TMIGD3: variants seen among roughly 807,000 people sequenced by gnomAD.
The protein encoded by TMIGD3 is transmembrane and immunoglobulin domain containing 3.
Under a neutral mutation model 28.1 loss-of-function variants are expected in TMIGD3, and 21 were observed. The observed-to-expected ratio is 0.75, with a 90% CI of 0.53 to 1.08. The LOEUF is 1.08. Among genes scored for constraint, TMIGD3 ranks in the 50% least tolerant of loss-of-function variants. TMIGD3 has a pLI of 0.00. For missense variants in TMIGD3, 416 were observed against 435.6 expected, an observed-to-expected ratio of 0.96 and a Z score of 0.40; for synonymous variants, 151 against 162.1, an observed-to-expected ratio of 0.93 and a Z score of 0.52.
At chr1:111,555,025 T>C (rs553660596) in intron 1 of TMIGD3, among the ~76,000 whole-genome samples, 2 of 151,210 alleles carry the variant, frequency 1.3e-5, no homozygotes, top group South Asian at 2.1e-4. Flanking sequence ...CATTTAAAAG[T>C]AAGAGAACTA....
At chr1:111,504,862 C>G, upstream of TMIGD3, 1 of 985,296 alleles carries the variant, frequency 1.0e-6, no homozygotes, top group Non-Finnish European at 1.2e-6. Context: ...TACCAAATCC[C>G]ATACTTGTCC....
upstream of TMIGD3, chr1:111,504,894 CCT>C: frequency 2.0e-6 from 2 of 985,282 alleles, no homozygotes; most frequent in Non-Finnish European, 2.4e-6. Flanking sequence ...GTCATTTCTC[CCT>C]GAGCAGACTC....
intron 3 of TMIGD3, among the ~76,000 whole-genome samples, chr1:111,487,872 C>T (rs944677784): frequency 8.5e-5 from 13 of 152,118 alleles, no homozygotes; most frequent in African/African-American, 2.4e-4. Context: ...GGTGCAATCA[C>T]GGCTCACTGC....
chr1:111,557,185 T>C (rs183082952), intron 1 of TMIGD3, among the ~76,000 whole-genome samples: 1 of 152,300 alleles, frequency 6.6e-6, no homozygotes, highest in African/African-American at 2.4e-5. Context: ...GGAAGGCAGA[T>C]GGAAAAGCAT....
chr1:111,528,242 T>C (rs1656337078), intron 1 of TMIGD3, among the ~76,000 whole-genome samples: 1 of 152,204 alleles, frequency 6.6e-6, no homozygotes, highest in African/African-American at 2.4e-5. Context: ...CATTTGCTCA[T>C]CATCACTGGT....
intron 1 of TMIGD3, among the ~76,000 whole-genome samples, chr1:111,531,798 T>C (rs541183737): frequency 1.9e-3 from 291 of 152,322 alleles, no homozygotes; most frequent in African/African-American, 6.8e-3. Context: ...GCGATCCTAC[T>C]GCTTCTGCCT....
At chr1:111,534,150 T>C (rs1480752343) in intron 1 of TMIGD3, among the ~76,000 whole-genome samples, 1 of 152,214 alleles carries the variant, frequency 6.6e-6, no homozygotes, top group Admixed American at 6.5e-5. Context: ...GTTATACAAA[T>C]GGAATCGTGC....
At chr1:111,527,698 C>A (rs1373825634) in intron 1 of TMIGD3, among the ~76,000 whole-genome samples, 1 of 152,140 alleles carries the variant, frequency 6.6e-6, no homozygotes, top group Non-Finnish European at 1.5e-5. Context: ...TTTGGCCATT[C>A]TAATAGTTGT....
In TMIGD3 at chr1:111,542,308, C is replaced by T. The variant is rs75054485; in HGVS notation, c.107+21538G>A. 4.0e-3 allele frequency: 2,061 copies of T among 515,580 alleles called. 36 individuals carry two copies. The highest frequency in any genetic ancestry group is 0.036 in the African/African-American group (1,877 of 51,572). The allele number at this position is 515,580 out of a possible 1,614,324, so 31.9% of individuals were successfully genotyped here. On this transcript the variant is annotated intron_variant, in intron 1 of 5. Coordinates refer to the TMIGD3 transcript ENST00000369717. ...CCGGTTCGAACACACGCGACAAGAG[C>T]AAAGAAGTTAAAAGAGAAGTGTCTG...
intron 1 of TMIGD3, among the ~76,000 whole-genome samples, chr1:111,502,247 T>A (rs62648284): frequency 1.5e-3 from 27 of 18,362 alleles, no homozygotes; most frequent in Admixed American, 4.8e-3. Context: ...TAGGATATAT[T>A]TATTATAATA....
At chr1:111,536,510 G>GTCCT (rs2101019347) in intron 1 of TMIGD3, among the ~76,000 whole-genome samples, 1 of 152,236 alleles carries the variant, frequency 6.6e-6, no homozygotes, top group Non-Finnish European at 1.5e-5. Context: ...TGTATACTAA[G>GTCCT]TCCTATACTC....
intron 1 of TMIGD3, chr1:111,563,764 A>G: frequency 1.0e-6 from 1 of 1,000,356 alleles, no homozygotes; most frequent in Non-Finnish European, 1.5e-6. Context: ...CATATCATGA[A>G]TAAATGTTCC....
At chr1:111,524,131 G>A (rs531879962) in intron 1 of TMIGD3, among the ~76,000 whole-genome samples, 3 of 145,406 alleles carry the variant, frequency 2.1e-5, no homozygotes, top group South Asian at 2.2e-4. Context: ...CCAGGTTCAC[G>A]CCATTCTCCT....
At chr1:111,553,263 A>T (rs549878305) in intron 1 of TMIGD3, among the ~76,000 whole-genome samples, 2 of 152,356 alleles carry the variant, frequency 1.3e-5, no homozygotes, top group East Asian at 3.9e-4. Flanking sequence ...ACATTCCATT[A>T]TAGAAGATTT....
chr1:111,500,374 A>G (rs1655110739), intron 1 of TMIGD3: 1 of 1,614,098 alleles, frequency 6.2e-7, no homozygotes, highest in East Asian at 2.2e-5. Context: ...GCTGAAGTAT[A>G]CCATGTAGTC....
chr1:111,547,651 C>G (rs1169838919), intron 1 of TMIGD3, among the ~76,000 whole-genome samples: 1 of 151,996 alleles, frequency 6.6e-6, no homozygotes, highest in Non-Finnish European at 1.5e-5. Flanking sequence ...AAAATTGGTG[C>G]CTTTTACAGA....
intron 2 of TMIGD3, 194 bp downstream of exon 2, chr1:111,490,462 A>C: frequency 1.8e-6 from 1 of 570,918 alleles, no homozygotes; most frequent in Admixed American, 3.1e-5. Flanking sequence ...ATTTCCTCAC[A>C]AACTCTCTTA....
chr1:111,515,953 A>G (rs372220417), intron 1 of TMIGD3, among the ~76,000 whole-genome samples: 1 of 152,174 alleles, frequency 6.6e-6, no homozygotes, highest in Non-Finnish European at 1.5e-5. Context: ...TACCATTTAT[A>G]TGTCAGGGAG....
chr1:111,510,218 G>A (rs949704255), intron 1 of TMIGD3, among the ~76,000 whole-genome samples: 3 of 152,118 alleles, frequency 2.0e-5, no homozygotes, highest in African/African-American at 4.8e-5. Flanking sequence ...CTCCCTACCC[G>A]CAACTCCTGC....
Sources: gnomAD v4.1 joint callset for allele counts (sites outside exome capture counted in the v4.1 genomes callset) on GRCh38, gnomAD v4.1.1 for gene constraint, MANE v1.5 for transcripts, NCBI Gene and HGNC (gene_info 2026-07-23, HGNC 2026-07-21) for gene names.